Variants in LAMA1 observed in about 807,000 individuals in gnomAD.
LAMA1 encodes laminin subunit alpha-1.
Under a neutral mutation model 348.7 loss-of-function variants are expected in LAMA1, and 219 were observed. The ratio of observed to expected loss-of-function variants is 0.63; its 90% CI spans 0.56 to 0.70. LAMA1 has a LOEUF of 0.70. Among genes scored for constraint, LAMA1 ranks in the 30% least tolerant of loss-of-function variants. LAMA1 has a pLI of 0.00. For synonymous variants in LAMA1, 1,487 were observed against 1,491.0 expected (o/e 1.00, Z 0.06); for missense variants, 3,744 against 3,888.0 (o/e 0.96, Z 0.99).
Position 7,016,543 on chromosome 18 carries a change from C to T in LAMA1, c.2937G>A (p.Arg979=), listed in dbSNP as rs1335939464. ...CHCVPGVAGK[R]CDRCAHGFYA... is the part of the protein sequence containing the mutation. ...AGAAGCCATGGGCACACCTGTCACA[C>T]CTTTTCCCTGCCACACCTGGGACAC... Residue 979 remains arginine (R), a synonymous_variant, in exon 21 of 63, where the codon AGG becomes AGA. Coordinates refer to ENST00000389658, the MANE Select transcript of LAMA1 (RefSeq NM_005559.4). The T allele has an allele frequency of 1.2e-6, 2 of 1,614,222 alleles. No individual in the cohort carries two copies. Among genetic ancestry groups the T allele is most frequent in the South Asian group, 1.1e-5 (1 of 91,080 alleles).
intron 3 of LAMA1, among the ~76,000 whole-genome samples, chr18:7,069,461 C>A (rs915301752): frequency 8.5e-5 from 13 of 152,266 alleles, no homozygotes; most frequent in African/African-American, 2.9e-4. Flanking sequence ...TTAAAACAGG[C>A]CTCAAATTCT....
At chr18:7,047,807 A>T (rs191775736) in intron 5 of LAMA1, among the ~76,000 whole-genome samples, 1 of 152,266 alleles carries the variant, frequency 6.6e-6, no homozygotes, top group Non-Finnish European at 1.5e-5. Flanking sequence ...GTGCTAGAAC[A>T]ATTGCATATA....
At chr18:7,075,520 GC>G (rs1425180864) in intron 3 of LAMA1, among the ~76,000 whole-genome samples, 3 of 152,126 alleles carry the variant, frequency 2.0e-5, no homozygotes, top group Admixed American at 2.0e-4. Flanking sequence ...TACTCAGAAG[GC>G]TGAGGCAGGA....
At chr18:7,066,114 G>A (rs904546147) in intron 3 of LAMA1, among the ~76,000 whole-genome samples, 5 of 152,178 alleles carry the variant, frequency 3.3e-5, no homozygotes, top group African/African-American at 1.2e-4. Flanking sequence ...TGATAGGTGA[G>A]TAATATATTT....
intron 17 of LAMA1, among the ~76,000 whole-genome samples, chr18:7,025,493 T>C (rs778686696): frequency 6.6e-6 from 1 of 152,162 alleles, no homozygotes; most frequent in Non-Finnish European, 1.5e-5. Context: ...TGAGAACAGT[T>C]TGCTATTCAG....
chr18:7,006,174 C>T (rs1192956228), intron 29 of LAMA1, among the ~76,000 whole-genome samples: 1 of 152,112 alleles, frequency 6.6e-6, no homozygotes, highest in African/African-American at 2.4e-5. Context: ...GCCTCATTGG[C>T]TTAAGCTAAA....
intron 3 of LAMA1, among the ~76,000 whole-genome samples, chr18:7,056,510 GAA>G (rs1568049346): frequency 2.0e-5 from 3 of 152,152 alleles, no homozygotes; most frequent in African/African-American, 7.2e-5. Context: ...GGAAACTGAT[GAA>G]GAGAGAGGTC....
At position 6,950,889 on chromosome 18, in the gene LAMA1, C is replaced by T. The variant is rs781696472; in HGVS notation, c.8290G>A (p.Ala2764Thr). The change falls in exon 58 of 63, where the codon GCT (alanine) becomes ACT (threonine). Residue 2764 changes from alanine to threonine, a missense_variant. By Grantham distance (58) the Ala-to-Thr change is moderately conservative. This residue lies in a region of LAMA1 where 1,983 missense variants were observed against 1,934.3 expected (regional missense o/e 1.03). Transcript: ENST00000389658. ...YMAHQNQADY[A>T]VLQLHGGRLH... is the part of the protein sequence containing the mutation. ...CGGCCCCCGTGCAGCTGGAGCACAG[C>T]GTAGTCTGCTTGGTTCTGATGAGCC... 6.2e-6 allele frequency: 10 copies of T among 1,614,166 alleles called. No individual in the cohort carries two copies. The highest frequency in any genetic ancestry group is 3.3e-4 in the Middle Eastern group (2 of 6,060).
chr18:7,005,000 G>A (rs28432986), intron 29 of LAMA1, among the ~76,000 whole-genome samples: 2,143 of 152,252 alleles, frequency 0.014, 51 homozygotes, highest in African/African-American at 0.049. Context: ...ACAGCACCTC[G>A]AGTTAAGGAG....
intron 1 of LAMA1, 44 bp from the exon 2 acceptor site, chr18:7,080,501 C>T: frequency 6.2e-7 from 1 of 1,601,532 alleles, no homozygotes; most frequent in Non-Finnish European, 8.5e-7. Flanking sequence ...ACTTGAAATC[C>T]AAAGAATGAG....
intron 48 of LAMA1, among the ~76,000 whole-genome samples, chr18:6,970,262 C>T (rs2057652152): frequency 1.3e-5 from 2 of 151,918 alleles, no homozygotes; most frequent in Non-Finnish European, 2.9e-5. Context: ...CAAAGCCATG[C>T]TTTTTCACAC....
rs927705782 is a variant in LAMA1 at position 7,042,341 on chromosome 18, A to C, written c.1156-91T>G. The C allele has an allele frequency of 3.9e-6, 3 of 770,240 alleles. No homozygotes were observed. The East Asian group carries it at 8.2e-5, about 21-fold the overall frequency. The allele number at this position is 770,240 out of a possible 1,614,324, so 47.7% of individuals were successfully genotyped here. Reference sequence around the variant, plus strand: ...ATAAGAAGGTATTGGCTTTTTACTCAAGATGGGACTATTACGATGATTTTG... The same window carrying C: ...ATAAGAAGGTATTGGCTTTTTACTCCAGATGGGACTATTACGATGATTTTG... On this transcript the variant is annotated intron_variant, in intron 8 of 62. Transcript: ENST00000389658.
At chr18:7,085,277 C>T (rs2058210078) in intron 1 of LAMA1, among the ~76,000 whole-genome samples, 1 of 151,838 alleles carries the variant, frequency 6.6e-6, no homozygotes. Context: ...CTTATTCAAT[C>T]CATGGAGAAA....
chr18:6,962,088 A>T (rs200557961), intron 51 of LAMA1, 29 bp from the exon 52 acceptor site: 69 of 1,547,578 alleles, frequency 4.5e-5, no homozygotes, highest in Middle Eastern at 1.7e-4. Flanking sequence ...GAACAATCAC[A>T]AAATTTGGGT....
chr18:7,102,247 G>A (rs1053193421), intron 1 of LAMA1, among the ~76,000 whole-genome samples: 4 of 152,080 alleles, frequency 2.6e-5, no homozygotes, highest in African/African-American at 9.7e-5. Flanking sequence ...CCATTCTTTT[G>A]TTTAGTAATA....
intron 30 of LAMA1, 69 bp downstream of exon 30, chr18:7,002,195 T>C: frequency 1.9e-6 from 3 of 1,592,086 alleles, no homozygotes; most frequent in Non-Finnish European, 2.6e-6. Context: ...CAGAGACCCT[T>C]GAAAATGAGG....
intron 3 of LAMA1, among the ~76,000 whole-genome samples, chr18:7,072,649 T>C (rs1465647376): frequency 6.6e-6 from 1 of 152,190 alleles, no homozygotes; most frequent in Admixed American, 6.5e-5. Context: ...AATATGAGCA[T>C]ATTTAGGATG....
chr18:6,977,972 A>C (rs1050202998), intron 43 of LAMA1, 91 bp from the exon 44 acceptor site: 18 of 1,405,250 alleles, frequency 1.3e-5, no homozygotes, highest in Non-Finnish European at 1.8e-5. Flanking sequence ...GCACTTGGTA[A>C]AACAACACCC....
In LAMA1 at chr18:7,039,249, T is replaced by G. The variant is rs568245007; in HGVS notation, c.1423-299A>C. ...CTGATCTTTCCAGCATTTCAAAATC[T>G]GAAGAGAGCTATAGAATTTTCTCTT... On this transcript the variant is annotated intron_variant, in intron 10 of 62. Transcript: ENST00000389658. Among the ~76,000 whole-genome samples, 57 of 152,350 alleles carry G rather than the reference T, an allele frequency of 3.7e-4. 1 individual carries two copies. The South Asian group carries it at 0.012, about 31-fold the overall frequency.
Sources: allele counts gnomAD v4.1 joint callset (sites outside exome capture counted in the v4.1 genomes callset), GRCh38; gene constraint gnomAD v4.1.1; regional missense constraint gnomAD v4.1.1; transcripts MANE v1.5; gene names NCBI Gene and HGNC (gene_info 2026-07-23, HGNC 2026-07-21).